The following NCAPG2 variants were observed in gnomAD, a reference collection of about 807,000 sequenced individuals.
NCAPG2 encodes non-SMC condensin II complex subunit G2.
In NCAPG2, 53 loss-of-function variants were observed where a neutral mutation model predicts 141.1. The ratio of observed to expected loss-of-function variants is 0.38; its 90% CI spans 0.30 to 0.47. The LOEUF is 0.47. Among genes scored for constraint, NCAPG2 ranks in the 20% least tolerant of loss-of-function variants. The pLI, the probability that NCAPG2 is intolerant of heterozygous loss-of-function variation, is 0.99. For synonymous variants in NCAPG2, 499 were observed against 490.7 expected (o/e 1.02, Z -0.22); for missense variants, 1,087 against 1,389.0 (o/e 0.78, Z 3.46).
chr7:158,656,891 CCCA>C (rs1481620086), intron 17 of NCAPG2, among the ~76,000 whole-genome samples, 186 bp from the exon 18 acceptor site: 2 of 152,194 alleles, frequency 1.3e-5, no homozygotes, highest in Non-Finnish European at 2.9e-5. Flanking sequence ...TCAGCTGCAT[CCCA>C]CCACAAGACC....
At chr7:158,647,487 G>A (rs527407862) in intron 24 of NCAPG2, among the ~76,000 whole-genome samples, 2 of 152,302 alleles carry the variant, frequency 1.3e-5, no homozygotes, top group Non-Finnish European at 1.5e-5. Flanking sequence ...TGTGAGCTTC[G>A]ATGAGCCTTT....
intron 2 of NCAPG2, 48 bp from the exon 3 acceptor site, chr7:158,693,545 C>T (rs1835260273): frequency 1.3e-6 from 2 of 1,489,432 alleles, no homozygotes; most frequent in African/African-American, 2.8e-5. Context: ...AAAAATTAAT[C>T]ATATCCTTTT....
rs200303020 is a variant in NCAPG2 at position 158,671,575 on chromosome 7, T to G, written c.1418A>C (p.Glu473Ala). Residue 473 changes from glutamate (E) to alanine (A), a missense_variant, in exon 13 of 28, where the codon GAG (glutamate) becomes GCG (alanine). Coordinates refer to ENST00000356309, the MANE Select transcript of NCAPG2 (RefSeq NM_017760.7). Reference protein sequence around the residue: ...ALRYSLHDNSEKVRVAFVDML... With the variant: ...ALRYSLHDNSAKVRVAFVDML... Reference sequence around the variant, plus strand: ...GTCCACAAAAGCTACCCTCACTTTCTCCGAATTGTCGTGGAGACTGTATCT... The same window carrying G: ...GTCCACAAAAGCTACCCTCACTTTCGCCGAATTGTCGTGGAGACTGTATCT... The G allele has an allele frequency of 9.9e-6, 16 of 1,614,080 alleles. No homozygotes were observed. The highest frequency in any genetic ancestry group is 1.2e-5 in the Non-Finnish European group (14 of 1,180,040).
intron 13 of NCAPG2, among the ~76,000 whole-genome samples, chr7:158,666,813 G>A (rs182985112): frequency 2.9e-4 from 44 of 152,112 alleles, no homozygotes; most frequent in Middle Eastern, 6.8e-3. Context: ...GAAGGGAGAG[G>A]GTTGACATCT....
intron 11 of NCAPG2, 36 bp from the exon 12 acceptor site, chr7:158,675,692 G>A: frequency 6.3e-7 from 1 of 1,585,148 alleles, no homozygotes; most frequent in Non-Finnish European, 8.5e-7. Context: ...TAAAAACCTT[G>A]ACTTATTTCC....
intron 11 of NCAPG2, among the ~76,000 whole-genome samples, chr7:158,677,525 C>CAAAAAAAAAAAAAAAAAAAAAAAAAAGA: frequency 1.1e-5 from 1 of 90,404 alleles, no homozygotes; most frequent in Non-Finnish European, 2.1e-5. Flanking sequence ...AAAAATAAAG[C>CAAAAAAAAAAAAAAAAAAAAAAAAAAGA]AAAAAAAAAA....
chr7:158,699,323 G>A (rs1460452458), intron 2 of NCAPG2, among the ~76,000 whole-genome samples: 2 of 152,136 alleles, frequency 1.3e-5, no homozygotes, highest in African/African-American at 4.8e-5. Context: ...AGTATAATCA[G>A]CTCCACTCTG....
At position 158,631,435 on chromosome 7, in the gene NCAPG2, C is replaced by T. The variant is rs10772; in HGVS notation, c.*231G>A. ...TGGAATCATGGATTTCTACACCATT[C>T]ATACCTGGAGTCCTTTATATTAAAT... is the stretch of plus-strand genomic sequence containing the variant. On this transcript the variant is annotated 3_prime_UTR_variant, in exon 28 of 28. Coordinates refer to ENST00000356309, the MANE Select transcript of NCAPG2 (RefSeq NM_017760.7). 287,010 of 504,198 alleles carry T rather than the reference C, an allele frequency of 0.57. 83,875 individuals carry two copies. The highest frequency in any genetic ancestry group is 0.59 in the Non-Finnish European group (173,157 of 291,102). 31.2% of individuals were successfully genotyped at this position (504,198 alleles called of 1,614,324 possible). A position where few individuals can be genotyped will look rare whatever the true frequency, so the allele number is the denominator to read the frequency against.
intron 12 of NCAPG2, 24 bp downstream of exon 12, chr7:158,675,453 C>A: frequency 6.5e-7 from 1 of 1,540,454 alleles, no homozygotes; most frequent in Non-Finnish European, 8.7e-7. Flanking sequence ...ATAAACATTA[C>A]TTACATAATT....
intron 6 of NCAPG2, 35 bp from the exon 7 acceptor site, chr7:158,687,477 A>G (rs760893209): frequency 6.2e-6 from 9 of 1,458,568 alleles, no homozygotes; most frequent in Middle Eastern, 1.8e-4. Flanking sequence ...TTTACATTGC[A>G]ACCAAATAAA....
At chr7:158,650,786 T>A in intron 24 of NCAPG2, 46 bp downstream of exon 24, 1 of 1,561,618 alleles carries the variant, frequency 6.4e-7, no homozygotes, top group Non-Finnish European at 8.6e-7. Flanking sequence ...CACCATCTTG[T>A]GTCATCAATA....
chr7:158,668,852 G>A (rs1463038597), intron 13 of NCAPG2, among the ~76,000 whole-genome samples: 4 of 152,092 alleles, frequency 2.6e-5, no homozygotes, highest in Non-Finnish European at 4.4e-5. Flanking sequence ...TTGCTGCACA[G>A]ATCATCCCAT....
At chr7:158,675,035 C>T (rs971684059) in intron 12 of NCAPG2, among the ~76,000 whole-genome samples, 1 of 152,186 alleles carries the variant, frequency 6.6e-6, no homozygotes, top group Non-Finnish European at 1.5e-5. Flanking sequence ...ATTACAATTT[C>T]TATAAACCTG....
chr7:158,650,790 A>C, intron 24 of NCAPG2, 42 bp downstream of exon 24: 1 of 1,569,168 alleles, frequency 6.4e-7, no homozygotes, highest in Non-Finnish European at 8.6e-7. Context: ...ATCTTGTGTC[A>C]TCAATAAGAG....
chr7:158,682,796 A>C (rs992076171), intron 9 of NCAPG2, among the ~76,000 whole-genome samples: 24 of 152,204 alleles, frequency 1.6e-4, no homozygotes, highest in African/African-American at 5.8e-4. Context: ...TGATGATAGA[A>C]TCTTATCTAG....
rs1832728319 is a variant in NCAPG2, at chr7:158,664,042, T to C, written c.1815+142A>G. 5.8e-6 allele frequency: 4 copies of C among 686,718 alleles called. No homozygotes were observed. In the South Asian group the frequency reaches 7.6e-5, roughly 13 times the overall value. 42.5% of individuals were successfully genotyped at this position (686,718 alleles called of 1,614,324 possible). A position where few individuals can be genotyped will look rare whatever the true frequency, so the allele number is the denominator to read the frequency against. ...ACATATAGCAATTCTTTCACAAATG[T>C]TATTTATGACCTTCCAAAATAACTT... On this transcript the variant is annotated intron_variant, in intron 15 of 27. Transcript: ENST00000356309.
chr7:158,692,602 G>A (rs1368919744), intron 4 of NCAPG2, among the ~76,000 whole-genome samples: 1 of 152,168 alleles, frequency 6.6e-6, no homozygotes, highest in Non-Finnish European at 1.5e-5. Context: ...TTAGGCGGGC[G>A]TGGTGGTGAA....
At chr7:158,680,918 C>A (rs1308465297) in intron 9 of NCAPG2, 102 bp from the exon 10 acceptor site, 18 of 787,326 alleles carry the variant, frequency 2.3e-5, no homozygotes, top group Non-Finnish European at 3.5e-5. Flanking sequence ...TTCTCTCCAC[C>A]ACAAGTAGGC....
intron 9 of NCAPG2, among the ~76,000 whole-genome samples, chr7:158,681,042 G>T (rs1055681991): frequency 1.3e-5 from 2 of 152,112 alleles, no homozygotes; most frequent in African/African-American, 4.8e-5. Context: ...GAAATAAAAA[G>T]ATTAATGGCC....
Sources: gnomAD v4.1 joint callset for allele counts (sites outside exome capture counted in the v4.1 genomes callset) on GRCh38, gnomAD v4.1.1 for gene constraint, MANE v1.5 for transcripts, NCBI Gene and HGNC (gene_info 2026-07-23, HGNC 2026-07-21) for gene names.